Variants in DPP9 observed in about 807,000 individuals in gnomAD.
DPP9 encodes dipeptidyl peptidase 9.
A neutral mutation model predicts 110.7 loss-of-function variants in DPP9; 50 were observed. That is an observed-to-expected ratio of 0.45 (90% CI 0.36 to 0.57). The LOEUF is 0.57. DPP9 is among the 20% of genes least tolerant of loss of function. The pLI, the probability that DPP9 is intolerant of heterozygous loss-of-function variation, is 0.00. For synonymous variants in DPP9, 561 were observed against 514.4 expected, an observed-to-expected ratio of 1.09 and a Z score of -1.23; for missense variants, 1,022 against 1,217.9, an observed-to-expected ratio of 0.84 and a Z score of 2.39.
chr19:4,722,441 G>A (rs1195562492), intron 2 of DPP9, 58 bp downstream of exon 2: 3 of 697,188 alleles, frequency 4.3e-6, no homozygotes, highest in Non-Finnish European at 2.6e-6. Flanking sequence ...AGCAGGCAAA[G>A]GAATCCCACC....
At chr19:4,679,325 TGCTG>T (rs796825727) in intron 21 of DPP9, 3 of 154,936 alleles carry the variant, frequency 1.9e-5, no homozygotes, top group African/African-American at 7.3e-5. Context: ...AGCCCCACGT[TGCTG>T]CCAAGGCTCC....
At position 4,682,647 on chromosome 19, in the gene DPP9, G is replaced by A. The variant is rs2145359334; in HGVS notation, c.2474+49C>T. On this transcript the variant is annotated intron_variant, in intron 20 of 21. Coordinates refer to ENST00000262960, the MANE Select transcript of DPP9 (RefSeq NM_139159.5). This position sits in a 1 kb window ranked among gnomAD's most constrained non-coding sequence, Gnocchi z 7.1. ...CCTCATAGAGACAGCTGGTGCCGGG[G>A]TGCAGGAGAAGCCCCGGGGAGGAGC... The A allele has an allele frequency of 6.3e-7, 1 of 1,593,696 alleles. No homozygotes were observed. The highest frequency in any genetic ancestry group is 1.3e-5 in the African/African-American group (1 of 74,672).
Position 4,714,244 on chromosome 19 carries a change from G to A in DPP9, c.150C>T (p.Ala50=), listed in dbSNP as rs747443890. 5.0e-5 allele frequency: 79 copies of A among 1,590,706 alleles called. No individual in the cohort carries two copies. Among genetic ancestry groups the A allele is most frequent in the Admixed American group, 1.1e-4 (6 of 57,118 alleles). The stretch of plus-strand genomic sequence containing the variant: ...AGTGCTTCTGCACCTGGAAGCGGGC[G>A]GCCGGGTCATCTGTGGCGGCTGCGT... ...RGDAAATDDP[A]ARFQVQKHSW... Residue 50 remains alanine, a synonymous_variant, in exon 4 of 22, where the codon GCC becomes GCT. Transcript: ENST00000262960.
chr19:4,717,062 G>A (rs903206012), intron 3 of DPP9, among the ~76,000 whole-genome samples: 3 of 152,150 alleles, frequency 2.0e-5, no homozygotes, highest in African/African-American at 7.2e-5. Context: ...CTGATTTCTG[G>A]AGGTCCCTCT....
intron 21 of DPP9, among the ~76,000 whole-genome samples, chr19:4,678,723 C>T (rs1047741493): frequency 6.6e-6 from 1 of 152,108 alleles, no homozygotes; most frequent in Non-Finnish European, 1.5e-5. Context: ...CATTTCCCTG[C>T]TCTGTTGAAA....
intron 16 of DPP9, among the ~76,000 whole-genome samples, chr19:4,686,495 CTTTT>C (rs1334100614): frequency 6.6e-6 from 1 of 151,264 alleles, no homozygotes; most frequent in East Asian, 2.0e-4. Context: ...AATTTTTGTA[CTTTT>C]AGTAGAGATG....
chr19:4,711,531 G>A (rs1329392528), intron 4 of DPP9, among the ~76,000 whole-genome samples: 1 of 152,134 alleles, frequency 6.6e-6, no homozygotes, highest in East Asian at 1.9e-4. Flanking sequence ...TCAGCACTCT[G>A]GGAGGCTGAG....
chr19:4,702,821 GGAAGGAAAGGGAAGGA>G (rs2092351627), intron 7 of DPP9, 105 bp from the exon 8 acceptor site: 1 of 182,308 alleles, frequency 5.5e-6, no homozygotes, highest in Non-Finnish European at 1.0e-5. Flanking sequence ...AGAGAAGGAG[GGAAGGAAAGGGAAGGA>G]GAGGGGGAGG....
At position 4,687,010 on chromosome 19, in the gene DPP9, G is replaced by A. The variant is rs569265910; in HGVS notation, c.1886-1239C>T. On this transcript the variant is annotated intron_variant, in intron 16 of 21. Transcript: ENST00000262960. The surrounding 1 kb of genome is among the most constrained non-coding windows in gnomAD (Gnocchi z 4.7). ...AAACGTGGCACAGATTGGGAGTTTC[G>A]GGAAACAGTGCCTCGTTCCCCAGGG... 5.4e-4 allele frequency among the ~76,000 whole-genome samples: 82 copies of A among 152,248 alleles called. No individual in the cohort carries two copies. Among genetic ancestry groups the A allele is most frequent in the African/African-American group, 1.8e-3 (76 of 41,536 alleles).
rs764524172 is a variant in DPP9 at position 4,687,398 on chromosome 19, C to G, written c.1885+1359G>C. 1.3e-5 allele frequency among the ~76,000 whole-genome samples: 2 copies of G among 152,194 alleles called. No individual in the cohort carries two copies. The highest frequency in any genetic ancestry group is 2.9e-5 in the Non-Finnish European group (2 of 68,036). On this transcript the variant is annotated intron_variant, in intron 16 of 21. Transcript: ENST00000262960. This position sits in a 1 kb window ranked among gnomAD's most constrained non-coding sequence, Gnocchi z 4.7. Reference sequence around the variant, plus strand: ...GACCCGCTGGTTTTCATCCCACACTCTGTATATACAGTTTCGTTGATAAAG... The same window carrying G: ...GACCCGCTGGTTTTCATCCCACACTGTGTATATACAGTTTCGTTGATAAAG...
intron 1 of DPP9, among the ~76,000 whole-genome samples, chr19:4,723,205 A>G (rs1364014913): frequency 1.3e-5 from 2 of 152,178 alleles, no homozygotes; most frequent in Non-Finnish European, 2.9e-5. Context: ...GGAAGTGGTA[A>G]AGGAGTGAGG....
intron 7 of DPP9, among the ~76,000 whole-genome samples, chr19:4,703,594 C>G (rs1361755191): frequency 1.3e-5 from 2 of 151,614 alleles, no homozygotes; most frequent in African/African-American, 4.8e-5. Flanking sequence ...CGAGATCATA[C>G]CACTGCAGTC....
At chr19:4,683,979 C>T in intron 18 of DPP9, 1 of 518,572 alleles carries the variant, frequency 1.9e-6, no homozygotes, top group Non-Finnish European at 3.2e-6. Context: ...TGTGCAAGGG[C>T]ACAAAGAATG....
At chr19:4,696,804 A>G (rs1255020579) in intron 11 of DPP9, among the ~76,000 whole-genome samples, 1 of 152,192 alleles carries the variant, frequency 6.6e-6, no homozygotes, top group African/African-American at 2.4e-5. Context: ...CAGTCCTAGC[A>G]AATGTACATA....
chr19:4,713,262 GA>G (rs2092917055), intron 4 of DPP9, among the ~76,000 whole-genome samples: 1 of 152,250 alleles, frequency 6.6e-6, no homozygotes. Flanking sequence ...AGGCCTGGCT[GA>G]TCTCTCCAAG....
At chr19:4,707,372 G>T (rs1240642477) in intron 4 of DPP9, among the ~76,000 whole-genome samples, 1 of 152,134 alleles carries the variant, frequency 6.6e-6, no homozygotes, top group Non-Finnish European at 1.5e-5. Flanking sequence ...GGCAGAAGCA[G>T]GATGGTAACC....
At position 4,695,050 on chromosome 19, in the gene DPP9, C is replaced by T. The variant is rs75480248; in HGVS notation, c.1354-227G>A. The T allele has an allele frequency of 8.8e-4, 529 of 602,384 alleles. 6 individuals are homozygous for T. In the East Asian group the frequency reaches 0.013, roughly 15 times the overall value. 37.3% of individuals were successfully genotyped at this position (602,384 alleles called of 1,614,324 possible). ...CTTGTGGTCCTAGCTACTCTGGAGG[C>T]TGAGGTGGGAGGATCACTTAGGCCC... is the stretch of plus-strand genomic sequence containing the variant. On this transcript the variant is annotated intron_variant, in intron 12 of 21. Coordinates refer to ENST00000262960, the MANE Select transcript of DPP9 (RefSeq NM_139159.5). This position sits in a 1 kb window ranked among gnomAD's most constrained non-coding sequence, Gnocchi z 4.7.
At chr19:4,715,693 G>A (rs990476888) in intron 3 of DPP9, 10 of 152,340 alleles carry the variant, frequency 6.6e-5, no homozygotes, top group African/African-American at 2.4e-4. Context: ...GTCCAGCCGG[G>A]GAGATGCTTG....
At position 4,704,147 on chromosome 19, in the gene DPP9, C is replaced by G. The variant is rs746316516; in HGVS notation, c.584G>C (p.Gly195Ala). 40 of 1,613,844 alleles carry G rather than the reference C, an allele frequency of 2.5e-5. No individual in the cohort carries two copies. The Admixed American group carries it at 4.3e-4, about 17-fold the overall frequency. Residue 195 changes from glycine (G) to alanine (A), a missense_variant, in exon 6 of 22, where the codon GGC becomes GCC. This residue lies in a region of DPP9 where 810 missense variants were observed against 920.6 expected (regional missense o/e 0.88). Coordinates refer to ENST00000262960, the MANE Select transcript of DPP9 (RefSeq NM_139159.5). This position sits in a 1 kb window ranked among gnomAD's most constrained non-coding sequence, Gnocchi z 6.0. ...AGGGCTCACCATGAAGCCGTTCTTGCCGCCGTCGCGGCAGTGGAAGAGGCT... is the reference window on the plus strand; with the variant it reads ...AGGGCTCACCATGAAGCCGTTCTTGGCGCCGTCGCGGCAGTGGAAGAGGCT... ...SNSLFHCRDG[G>A]KNGFMVSPMK...
Sources: gnomAD v4.1 joint callset for allele counts (sites outside exome capture counted in the v4.1 genomes callset) on GRCh38, gnomAD v4.1.1 for gene constraint, gnomAD v4.1.1 regional missense constraint, Gnocchi (gnomAD v3.1) non-coding constraint, MANE v1.5 for transcripts, NCBI Gene and HGNC (gene_info 2026-07-23, HGNC 2026-07-21) for gene names.